The following MAEA variants were observed in gnomAD, a reference collection of about 807,000 sequenced individuals.
MAEA encodes macrophage erythroblast attacher, E3 ubiquitin ligase, also known as E3 ubiquitin-protein transferase MAEA.
In MAEA, 22 loss-of-function variants were observed where a neutral mutation model predicts 46.2. The ratio of observed to expected loss-of-function variants is 0.48; its 90% CI spans 0.34 to 0.68. The LOEUF (loss-of-function observed/expected upper bound fraction) is 0.68, where lower values mean the gene tolerates loss of function less well. Ranked by LOEUF, MAEA falls within the 30% of genes least tolerant of loss-of-function variation. MAEA has a pLI of 0.01. For synonymous variants in MAEA, 246 were observed against 222.6 expected (o/e 1.11, Z -0.94); for missense variants, 393 against 558.1 (o/e 0.70, Z 2.98).
At chr4:1,330,792 G>A (rs1309388357) in intron 5 of MAEA, 1 of 152,132 alleles carries the variant, frequency 6.6e-6, no homozygotes, top group African/African-American at 2.4e-5. Flanking sequence ...TGTGTGTTGG[G>A]GCTGAATGCT....
intron 1 of MAEA, among the ~76,000 whole-genome samples, chr4:1,300,744 G>A (rs11247987): frequency 0.35 from 53,612 of 152,246 alleles, 11,353 homozygotes; most frequent in Non-Finnish European, 0.48. Context: ...AACAGGGAGC[G>A]CAGAGCTCAG....
chr4:1,313,989 G>A (rs531434752), intron 2 of MAEA, among the ~76,000 whole-genome samples: 3 of 152,108 alleles, frequency 2.0e-5, no homozygotes, highest in Non-Finnish European at 2.9e-5. Context: ...AGCAGAGATT[G>A]TGTCACTGTA....
rs1736570373 is a variant in MAEA at position 1,312,066 on chromosome 4, G to A, written c.157G>A (p.Glu53Lys). ...CAGCCACGTCACCATGGTGGTGGCC[G>A]AGCTGGAGAAGACGTTGAGCGGCTG... ...ETSHVTMVVA[E>K]LEKTLSGCPA... The change falls in exon 2 of 9, where the codon GAG (glutamate) becomes AAG (lysine). Residue 53 changes from glutamate to lysine, a missense_variant. By Grantham distance (56) the Glu-to-Lys change is moderately conservative (BLOSUM62 1). Around this residue, in one of 2 missense-constraint regions of MAEA, gnomAD observed 358 missense variants for 537.9 expected, o/e 0.67. Transcript: ENST00000303400. The A allele has an allele frequency of 6.2e-7, 1 of 1,613,964 alleles. No homozygotes were observed. The highest frequency in any genetic ancestry group is 8.5e-7 in the Non-Finnish European group (1 of 1,180,050).
chr4:1,323,259 G>T (rs1738383125), intron 4 of MAEA, among the ~76,000 whole-genome samples: 1 of 152,056 alleles, frequency 6.6e-6, no homozygotes, highest in South Asian at 2.1e-4. Context: ...ACCGACTTTT[G>T]TAGAGACCAA....
chr4:1,330,016 G>A (rs1384765855), intron 5 of MAEA: 1 of 985,514 alleles, frequency 1.0e-6, no homozygotes, highest in South Asian at 4.7e-5. Flanking sequence ...GAGTCCTGCT[G>A]TCTGTGGAGC....
chr4:1,298,746 A>G (rs1355932412), intron 1 of MAEA, among the ~76,000 whole-genome samples: 1 of 152,174 alleles, frequency 6.6e-6, no homozygotes, highest in Non-Finnish European at 1.5e-5. Flanking sequence ...CACAGGGTCT[A>G]GTGGACTGAT....
intron 6 of MAEA, 118 bp downstream of exon 6, chr4:1,332,983 A>G (rs927944570): frequency 1.6e-6 from 1 of 619,566 alleles, no homozygotes; most frequent in Non-Finnish European, 2.8e-6. Context: ...CCAGCCACAC[A>G]GCCTGTCCAG....
intron 1 of MAEA, among the ~76,000 whole-genome samples, chr4:1,292,146 G>A (rs1172895738): frequency 2.0e-5 from 3 of 152,208 alleles, no homozygotes; most frequent in Non-Finnish European, 4.4e-5. Flanking sequence ...GTGGGGGGTG[G>A]ATGTTCTGCT....
chr4:1,309,823 C>G (rs1274259063), intron 1 of MAEA: 5 of 1,367,102 alleles, frequency 3.7e-6, no homozygotes, highest in Non-Finnish European at 4.7e-6. Context: ...CTGCAGCACA[C>G]CAGCTGCCCG....
At chr4:1,327,773 C>T in intron 5 of MAEA, 70 bp downstream of exon 5, 2 of 1,405,034 alleles carry the variant, frequency 1.4e-6, no homozygotes, top group South Asian at 1.2e-5. Flanking sequence ...GCCAGCCCTC[C>T]CTGTCGTGGT....
intron 3 of MAEA, among the ~76,000 whole-genome samples, chr4:1,318,226 C>G (rs1026697233): frequency 6.6e-6 from 1 of 152,262 alleles, no homozygotes; most frequent in Non-Finnish European, 1.5e-5. Flanking sequence ...GCCCAGCACA[C>G]TGTCCTTGGG....
chr4:1,336,467 C>T (rs190355721), intron 6 of MAEA, among the ~76,000 whole-genome samples: 2 of 152,134 alleles, frequency 1.3e-5, no homozygotes, highest in East Asian at 3.9e-4. Context: ...AGAGTTAAGT[C>T]AGCACTCATC....
chr4:1,298,109 AC>A (rs1314840577), intron 1 of MAEA: 1 of 455,908 alleles, frequency 2.2e-6, no homozygotes, highest in Non-Finnish European at 4.4e-6. Context: ...AGCACCCTGT[AC>A]CCCAGGTACT....
chr4:1,338,437 G>A lies in MAEA; in HGVS notation c.915G>A (p.Glu305=). Residue 305 remains glutamate (E), a synonymous_variant, in exon 8 of 9, where the codon GAG becomes GAA. Coordinates refer to ENST00000303400, the MANE Select transcript of MAEA (RefSeq NM_001017405.3). ...SAIKTPQCYK[E]DGSSKSPDCP... is the part of the protein sequence containing the mutation. Reference sequence around the variant, plus strand: ...CGATGCTCAGACAGTGCTACAAGGAGGACGGCAGCTCCAAGAGCCCTGACT... The same window carrying A: ...CGATGCTCAGACAGTGCTACAAGGAAGACGGCAGCTCCAAGAGCCCTGACT... The A allele has an allele frequency of 6.2e-7, 1 of 1,612,656 alleles. No homozygotes were observed. The highest frequency in any genetic ancestry group is 8.5e-7 in the Non-Finnish European group (1 of 1,179,724).
chr4:1,336,907 G>A lies in MAEA; in HGVS notation c.812G>A (p.Arg271Gln), dbSNP rs62295187. ...TGGCGGATGCTGATCCAGCAGTTCC[G>A]GTACGACAACTACCGACTACACCAG... ...ARWRMLIQQF[R>Q]YDNYRLHQLG... Residue 271 changes from arginine to glutamine, a missense_variant, in exon 7 of 9, where the codon CGG becomes CAG. Around this residue, in one of 2 missense-constraint regions of MAEA, gnomAD observed 358 missense variants for 537.9 expected, o/e 0.67. Transcript: ENST00000303400. 2.5e-6 allele frequency: 4 copies of A among 1,613,966 alleles called. No individual in the cohort carries two copies. The highest frequency in any genetic ancestry group is 1.7e-5 in the Admixed American group (1 of 60,012).
intron 1 of MAEA, among the ~76,000 whole-genome samples, chr4:1,292,185 A>C (rs1734167911): frequency 6.6e-6 from 1 of 152,132 alleles, no homozygotes; most frequent in African/African-American, 2.4e-5. Flanking sequence ...GTCCTCCTGC[A>C]GGGTGGTAGC....
At chr4:1,304,681 C>T (rs1459092706) in intron 1 of MAEA, among the ~76,000 whole-genome samples, 2 of 152,174 alleles carry the variant, frequency 1.3e-5, no homozygotes, top group Non-Finnish European at 2.9e-5. Context: ...CCTCATGATC[C>T]ACCCACCTCG....
rs576949503 is a variant in MAEA at position 1,300,372 on chromosome 4, C to G, written c.69+10390C>G. 3.3e-5 allele frequency among the ~76,000 whole-genome samples: 5 copies of G among 152,320 alleles called. No homozygotes were observed. The South Asian group carries it at 1.0e-3, about 32-fold the overall frequency. On this transcript the variant is annotated intron_variant, in intron 1 of 8. Coordinates refer to ENST00000303400, the MANE Select transcript of MAEA (RefSeq NM_001017405.3). ...AAGAAGGGCTGGGCCTTGCCAGACA[C>G]CACAGCCAGGTATGTAACTGCCAAA...
chr4:1,330,944 G>C (rs1299179027), intron 5 of MAEA: 1 of 152,256 alleles, frequency 6.6e-6, no homozygotes, highest in Non-Finnish European at 1.5e-5. Context: ...GGGTTTGATT[G>C]ATGGTGAGAT....
Sources: gnomAD v4.1 joint callset for allele counts (sites outside exome capture counted in the v4.1 genomes callset) on GRCh38, gnomAD v4.1.1 for gene constraint, gnomAD v4.1.1 regional missense constraint, MANE v1.5 for transcripts, NCBI Gene and HGNC (gene_info 2026-07-23, HGNC 2026-07-21) for gene names.